The following MEGF10 variants were observed in gnomAD, a reference collection of about 807,000 sequenced individuals.
MEGF10 encodes multiple epidermal growth factor-like domains protein 10.
In MEGF10, 86 loss-of-function variants were observed where a neutral mutation model predicts 147.5. The observed-to-expected ratio is 0.58, with a 90% CI of 0.49 to 0.70. MEGF10 has a LOEUF of 0.70. MEGF10 is among the 30% of genes least tolerant of loss of function. The pLI, the probability that MEGF10 is intolerant of heterozygous loss-of-function variation, is 0.00. For missense variants in MEGF10, 1,329 were observed against 1,487.3 expected (o/e 0.89, Z 1.75); for synonymous variants, 478 against 525.5 (o/e 0.91, Z 1.24).
chr5:127,411,362 A>G (rs1398326408), intron 9 of MEGF10, among the ~76,000 whole-genome samples: 3 of 152,234 alleles, frequency 2.0e-5, no homozygotes, highest in Admixed American at 2.0e-4. Context: ...AGTGCGTTAT[A>G]TAGCAGTTCA....
chr5:127,374,932 G>A (rs1762972263), intron 5 of MEGF10, among the ~76,000 whole-genome samples: 1 of 152,148 alleles, frequency 6.6e-6, no homozygotes, highest in Non-Finnish European at 1.5e-5. Context: ...TTTACCTGGT[G>A]GAGTGGCTCA....
chr5:127,244,407 C>A, the MEGF10 span, among the ~76,000 whole-genome samples: 5 of 149,116 alleles, frequency 3.4e-5, no homozygotes, highest in African/African-American at 1.2e-4. Flanking sequence ...ATCATTATCA[C>A]AGGAGTTCCA....
At chr5:127,352,640 C>T (rs1459646181) in intron 4 of MEGF10, among the ~76,000 whole-genome samples, 1 of 151,890 alleles carries the variant, frequency 6.6e-6, no homozygotes, top group African/African-American at 2.4e-5. Flanking sequence ...GCACTTCAGC[C>T]TGGGCGACAG....
intron 1 of MEGF10, among the ~76,000 whole-genome samples, chr5:127,317,294 T>A (rs1760597008): frequency 6.6e-6 from 1 of 152,254 alleles, no homozygotes; most frequent in Non-Finnish European, 1.5e-5. Context: ...GATGGTAGTT[T>A]CTTTTGCTGT....
chr5:127,245,996 C>G, the MEGF10 span, among the ~76,000 whole-genome samples: 1 of 152,272 alleles, frequency 6.6e-6, no homozygotes, highest in East Asian at 1.9e-4. Context: ...AATGCTTTTT[C>G]ACTGTTGGTG....
At chr5:127,361,339 T>TA (rs1172043282) in intron 4 of MEGF10, among the ~76,000 whole-genome samples, 3 of 152,004 alleles carry the variant, frequency 2.0e-5, no homozygotes, top group South Asian at 2.1e-4. Flanking sequence ...CATTTACCTG[T>TA]AAAAAAATCT....
At position 127,459,918 on chromosome 5, in the gene MEGF10, T is replaced by A. The variant is rs1766502799; in HGVS notation, c.*2600T>A. ...TCAATTTGGGTAAAGAAAGGAATACTTTTGTTAGAATGAGAATTAAAGAGA... is the reference window on the plus strand; with the variant it reads ...TCAATTTGGGTAAAGAAAGGAATACATTTGTTAGAATGAGAATTAAAGAGA... On this transcript the variant is annotated 3_prime_UTR_variant, in exon 25 of 25. Coordinates refer to ENST00000503335, the MANE Select transcript of MEGF10 (RefSeq NM_001256545.2). 1 of 152,232 alleles carries A rather than the reference T, an allele frequency of 6.6e-6. No individual in the cohort carries two copies. The highest frequency in any genetic ancestry group is 6.5e-5 in the Admixed American group (1 of 15,274). 9.4% of individuals were successfully genotyped at this position (152,232 alleles called of 1,614,324 possible). A position where few individuals can be genotyped will look rare whatever the true frequency, so the allele number is the denominator to read the frequency against.
At chr5:127,283,753 C>T in the MEGF10 span, among the ~76,000 whole-genome samples, 434 of 152,230 alleles carry the variant, frequency 2.9e-3, 1 homozygote, top group Middle Eastern at 0.037. Context: ...CGAGAAGCAT[C>T]ATTAAGAAAA....
chr5:127,282,690 A>G, the MEGF10 span, among the ~76,000 whole-genome samples: 183 of 152,164 alleles, frequency 1.2e-3, no homozygotes, highest in Non-Finnish European at 2.3e-3. Context: ...TCCCAGTGGT[A>G]TCCTCTTTTC....
At chr5:127,235,942 T>C in the MEGF10 span, among the ~76,000 whole-genome samples, 2 of 151,548 alleles carry the variant, frequency 1.3e-5, no homozygotes, top group African/African-American at 2.4e-5. Flanking sequence ...AGAGGGTGCA[T>C]ATATTACTGA....
At chr5:127,234,780 A>G in the MEGF10 span, among the ~76,000 whole-genome samples, 2 of 151,062 alleles carry the variant, frequency 1.3e-5, no homozygotes, top group Non-Finnish European at 2.9e-5. Context: ...TTACTTTTCT[A>G]TGTGGGCTAT....
chr5:127,413,346 A>AC (rs1764643637), intron 9 of MEGF10, among the ~76,000 whole-genome samples: 1 of 152,218 alleles, frequency 6.6e-6, no homozygotes, highest in South Asian at 2.1e-4. Flanking sequence ...AGATAGATTA[A>AC]CTGCTTTTGG....
intron 5 of MEGF10, among the ~76,000 whole-genome samples, chr5:127,391,102 G>GGA: frequency 1.9e-5 from 1 of 53,934 alleles, no homozygotes; most frequent in East Asian, 3.7e-4. Flanking sequence ...GCGCGCGCGC[G>GGA]CACACACACA....
At chr5:127,417,346 A>G (rs1764815338) in intron 9 of MEGF10, among the ~76,000 whole-genome samples, 3 of 152,142 alleles carry the variant, frequency 2.0e-5, no homozygotes. Context: ...CCTCTTACAA[A>G]ATTAGTGCAT....
chr5:127,277,294 C>A, the MEGF10 span, among the ~76,000 whole-genome samples: 3 of 152,194 alleles, frequency 2.0e-5, no homozygotes, highest in Admixed American at 2.0e-4. Context: ...TGGGAGCAGA[C>A]CACATCCAAA....
At chr5:127,400,836 T>TTCAAAA (rs1476824518) in intron 7 of MEGF10, among the ~76,000 whole-genome samples, 1 of 152,194 alleles carries the variant, frequency 6.6e-6, no homozygotes, top group African/African-American at 2.4e-5. Flanking sequence ...GCCCCTTACC[T>TTCAAAA]TACTTCTGCT....
intron 4 of MEGF10, among the ~76,000 whole-genome samples, chr5:127,363,499 C>A (rs747396393): frequency 6.6e-6 from 1 of 152,082 alleles, no homozygotes; most frequent in Non-Finnish European, 1.5e-5. Context: ...GAAGGGGAGT[C>A]GCACTTACCA....
At chr5:127,270,514 A>G in the MEGF10 span, among the ~76,000 whole-genome samples, 1 of 152,252 alleles carries the variant, frequency 6.6e-6, no homozygotes, top group African/African-American at 2.4e-5. Context: ...AAAGGGATCA[A>G]TTCAACAAGA....
chr5:127,247,339 AAG>A, the MEGF10 span, among the ~76,000 whole-genome samples: 4 of 5,492 alleles, frequency 7.3e-4, no homozygotes, highest in African/African-American at 1.2e-3. Context: ...GAAGAAGAAG[AAG>A]AAGAAGAAGA....
Sources: allele counts gnomAD v4.1 joint callset (sites outside exome capture counted in the v4.1 genomes callset), GRCh38; gene constraint gnomAD v4.1.1; transcripts MANE v1.5; gene names NCBI Gene and HGNC (gene_info 2026-07-23, HGNC 2026-07-21).